Variants in RAB28 observed in about 807,000 individuals in gnomAD.
RAB28 encodes the protein ras-related protein Rab-28.
A neutral mutation model predicts 31.7 loss-of-function variants in RAB28; 24 were observed. The ratio of observed to expected loss-of-function variants is 0.76; its 90% CI spans 0.55 to 1.06. The LOEUF (loss-of-function observed/expected upper bound fraction) is 1.06, where lower values mean the gene tolerates loss of function less well. RAB28 is among the 50% of genes least tolerant of loss of function. RAB28 has a pLI of 0.00. For missense variants in RAB28, 254 were observed against 258.5 expected, an observed-to-expected ratio of 0.98 and a Z score of 0.12; for synonymous variants, 100 against 90.4, an observed-to-expected ratio of 1.11 and a Z score of -0.60.
chr4:13,392,391 A>G (rs376470669), intron 4 of RAB28, among the ~76,000 whole-genome samples: 2 of 152,316 alleles, frequency 1.3e-5, no homozygotes, highest in South Asian at 4.1e-4. Context: ...CTCTGTTATT[A>G]TTTTACCAAT....
rs961652432 is a variant in RAB28 at position 13,369,297 on chromosome 4, T to G, written c.574-647A>C. ...ATGATGAAAAAATTTAGAAAATTACTTCATATTCATGTTTTTAAAATAATT... is the reference window on the plus strand; with the variant it reads ...ATGATGAAAAAATTTAGAAAATTACGTCATATTCATGTTTTTAAAATAATT... On this transcript the variant is annotated intron_variant, in intron 6 of 6. Coordinates refer to ENST00000330852, the MANE Select transcript of RAB28 (RefSeq NM_001017979.3). Among the ~76,000 whole-genome samples the G allele has an allele frequency of 3.9e-5, 6 of 152,280 alleles. No homozygotes were observed. The East Asian group carries it at 7.7e-4, about 20-fold the overall frequency.
chr4:13,479,716 T>C (rs1160766571), intron 1 of RAB28, among the ~76,000 whole-genome samples, 190 bp from the exon 2 acceptor site: 2 of 151,612 alleles, frequency 1.3e-5, no homozygotes, highest in Non-Finnish European at 1.5e-5. Context: ...TGCCAGCAGC[T>C]ATCGGTAGGG....
At chr4:13,370,086 T>A (rs1256324409) in intron 6 of RAB28, 2 of 1,431,498 alleles carry the variant, frequency 1.4e-6, no homozygotes, top group Admixed American at 2.7e-5. Flanking sequence ...AAAATAAAAT[T>A]AACATATAAA....
At chr4:13,394,050 A>G (rs1326672228) in intron 4 of RAB28, among the ~76,000 whole-genome samples, 3 of 152,198 alleles carry the variant, frequency 2.0e-5, no homozygotes. Context: ...GTGAGCATGT[A>G]AATAAATGAG....
chr4:13,428,100 G>A (rs1230271848), intron 4 of RAB28, among the ~76,000 whole-genome samples: 1 of 152,210 alleles, frequency 6.6e-6, no homozygotes, highest in Non-Finnish European at 1.5e-5. Flanking sequence ...TTTTCACAAT[G>A]CTTTTCCATA....
chr4:13,401,106 G>A (rs565491817), intron 4 of RAB28, among the ~76,000 whole-genome samples: 1 of 152,058 alleles, frequency 6.6e-6, no homozygotes, highest in Admixed American at 6.6e-5. Context: ...AACACCTTTG[G>A]TTTTCTGGAA....
intron 4 of RAB28, among the ~76,000 whole-genome samples, chr4:13,391,068 A>T (rs1265123382): frequency 3.3e-5 from 5 of 152,208 alleles, no homozygotes; most frequent in African/African-American, 4.8e-5. Context: ...ATCTAATTAA[A>T]CTAAAGAGCT....
intron 6 of RAB28, among the ~76,000 whole-genome samples, chr4:13,374,144 G>T (rs1319804885): frequency 1.3e-5 from 2 of 152,016 alleles, no homozygotes; most frequent in Non-Finnish European, 2.9e-5. Flanking sequence ...TATACACAAA[G>T]AATTTTGACA....
At chr4:13,423,529 G>A (rs1577200276) in intron 4 of RAB28, among the ~76,000 whole-genome samples, 1 of 152,176 alleles carries the variant, frequency 6.6e-6, no homozygotes, top group East Asian at 1.9e-4. Context: ...AATAATTCAT[G>A]ATGTGAAATA....
intron 4 of RAB28, among the ~76,000 whole-genome samples, chr4:13,447,532 A>T (rs539130517): frequency 6.6e-6 from 1 of 152,214 alleles, no homozygotes; most frequent in Non-Finnish European, 1.5e-5. Flanking sequence ...GCAAAACTAC[A>T]CATTCATGTG....
chr4:13,469,543 C>T (rs970508787), intron 3 of RAB28, among the ~76,000 whole-genome samples: 3 of 151,986 alleles, frequency 2.0e-5, no homozygotes, highest in Admixed American at 6.6e-5. Context: ...TACTACCATC[C>T]GTAGTATTTT....
chr4:13,419,421 C>A (rs1712987236), intron 4 of RAB28, among the ~76,000 whole-genome samples: 1 of 152,202 alleles, frequency 6.6e-6, no homozygotes. Flanking sequence ...CTACAGAACT[C>A]TCCACCCCAA....
chr4:13,466,824 T>C (rs921644054), intron 3 of RAB28, among the ~76,000 whole-genome samples: 7 of 152,100 alleles, frequency 4.6e-5, no homozygotes, highest in Admixed American at 4.6e-4. Context: ...ATGATGTATA[T>C]ATGCATAACG....
intron 4 of RAB28, among the ~76,000 whole-genome samples, chr4:13,448,437 C>T (rs916211001): frequency 2.0e-5 from 3 of 151,998 alleles, no homozygotes; most frequent in Non-Finnish European, 1.5e-5. Context: ...GCTTATACAA[C>T]TCCTCCAAAA....
chr4:13,407,557 A>G (rs530508210), intron 4 of RAB28, among the ~76,000 whole-genome samples: 3 of 152,260 alleles, frequency 2.0e-5, no homozygotes, highest in Admixed American at 6.5e-5. Flanking sequence ...AGTCAATGGT[A>G]GCTTGATGGG....
intron 4 of RAB28, among the ~76,000 whole-genome samples, chr4:13,388,723 A>T (rs1168776806): frequency 6.6e-6 from 1 of 152,104 alleles, no homozygotes. Context: ...ATATTTCCTC[A>T]AAGATAACAC....
chr4:13,474,861 C>A (rs1337143513), intron 2 of RAB28, among the ~76,000 whole-genome samples: 6 of 151,454 alleles, frequency 4.0e-5, no homozygotes. Flanking sequence ...GGAATAATAG[C>A]AAACTACAAA....
chr4:13,370,331 G>A (rs1414586909), intron 6 of RAB28: 1 of 952,972 alleles, frequency 1.0e-6, no homozygotes, highest in Non-Finnish European at 1.2e-6. Flanking sequence ...GAATTATGAG[G>A]TTTTTCTATG....
chr4:13,434,121 T>C (rs1295967240), intron 4 of RAB28, among the ~76,000 whole-genome samples: 1 of 152,010 alleles, frequency 6.6e-6, no homozygotes, highest in East Asian at 1.9e-4. Flanking sequence ...TGGGTACACA[T>C]GGACATAAAG....
Sources: gnomAD v4.1 joint callset for allele counts (sites outside exome capture counted in the v4.1 genomes callset) on GRCh38, gnomAD v4.1.1 for gene constraint, MANE v1.5 for transcripts, NCBI Gene and HGNC (gene_info 2026-07-23, HGNC 2026-07-21) for gene names.